STX3: variants seen among roughly 807,000 people sequenced by gnomAD.
The protein encoded by STX3 is syntaxin-3.
Under a neutral mutation model 40.2 loss-of-function variants are expected in STX3, and 19 were observed. The ratio of observed to expected loss-of-function variants is 0.47; its 90% CI spans 0.33 to 0.69. The LOEUF is 0.69. STX3 is among the 30% of genes least tolerant of loss of function. The pLI, the probability that STX3 is intolerant of heterozygous loss-of-function variation, is 0.02. For synonymous variants in STX3, 122 were observed against 132.2 expected (o/e 0.92, Z 0.53); for missense variants, 364 against 366.7 (o/e 0.99, Z 0.06).
At position 59,802,082 on chromosome 11, in the gene STX3, A is replaced by T. The variant is rs1009529996; in HGVS notation, c.*1258A>T. 1.0e-6 allele frequency: 1 copy of T among 985,436 alleles called. No individual in the cohort carries two copies. The highest frequency in any genetic ancestry group is 1.2e-6 in the Non-Finnish European group (1 of 829,942). The allele number at this position is 985,436 out of a possible 1,614,324, so 61.0% of individuals were successfully genotyped here. On this transcript the variant is annotated 3_prime_UTR_variant, in exon 11 of 11. Transcript: ENST00000337979. ...CCTATGCTAGGCTTGTCCTGAGAAC[A>T]TCCCTCAGTAACTTGATATTCACAT...
At chr11:59,784,987 A>G (rs1864657696) in intron 2 of STX3, among the ~76,000 whole-genome samples, 1 of 152,106 alleles carries the variant, frequency 6.6e-6, no homozygotes, top group Non-Finnish European at 1.5e-5. Flanking sequence ...GGAGGGCACT[A>G]TTTGCATGCT....
intron 7 of STX3, 76 bp downstream of exon 7, chr11:59,793,248 C>T: frequency 6.2e-7 from 1 of 1,606,704 alleles, no homozygotes. Context: ...TGCAGTCCAG[C>T]AGGTGGAGGG....
intron 1 of STX3, among the ~76,000 whole-genome samples, chr11:59,767,609 G>A (rs1863343730): frequency 6.6e-6 from 1 of 152,170 alleles, no homozygotes; most frequent in African/African-American, 2.4e-5. Flanking sequence ...TGTGACTCCA[G>A]ATAACATGCG....
At chr11:59,767,856 C>T (rs1356915839) in intron 1 of STX3, among the ~76,000 whole-genome samples, 3 of 152,114 alleles carry the variant, frequency 2.0e-5, no homozygotes, top group Non-Finnish European at 4.4e-5. Context: ...AGTTCAGGGA[C>T]CCAGAATTCA....
chr11:59,774,533 T>A (rs1863847181), intron 2 of STX3, among the ~76,000 whole-genome samples: 2 of 151,576 alleles, frequency 1.3e-5, no homozygotes, highest in Admixed American at 1.3e-4. Flanking sequence ...TTGAGTTGCA[T>A]AAGGATTAAG....
At chr11:59,772,465 A>G (rs1211932230) in intron 1 of STX3, among the ~76,000 whole-genome samples, 1 of 152,192 alleles carries the variant, frequency 6.6e-6, no homozygotes, top group Non-Finnish European at 1.5e-5. Context: ...TTTCTTATAA[A>G]CAGGAGCTTC....
chr11:59,755,647 C>G lies in STX3; in HGVS notation c.30+12C>G, dbSNP rs199563753. ...AGCAGCTGAAGGCCGTGAGTTTCGC[C>G]GCAGGCGGGGTGCTGCCAGGAGGGG... On this transcript the variant is annotated intron_variant, in intron 1 of 10. Coordinates refer to ENST00000337979, the MANE Select transcript of STX3 (RefSeq NM_004177.5). 5.7e-6 allele frequency: 9 copies of G among 1,592,028 alleles called. No individual in the cohort carries two copies. The highest frequency in any genetic ancestry group is 7.7e-6 in the Non-Finnish European group (9 of 1,175,190).
At position 59,802,678 on chromosome 11, in the gene STX3, AT is replaced by A; in HGVS notation, c.*1855del. The A allele has an allele frequency of 1.0e-6, 1 of 985,820 alleles. No individual in the cohort carries two copies. Among genetic ancestry groups the A allele is most frequent in the Non-Finnish European group, 1.2e-6 (1 of 829,850 alleles). The allele number at this position is 985,820 out of a possible 1,614,324, so 61.1% of individuals were successfully genotyped here. A position where few individuals can be genotyped will look rare whatever the true frequency, so the allele number is the denominator to read the frequency against. On this transcript the variant is annotated 3_prime_UTR_variant, in exon 11 of 11. Transcript: ENST00000337979. ...TGATTATTTTATTGCTAATTTAAAA[AT>A]AAAAATGACTTTGTATTGATTGTGA...
chr11:59,793,141 A>G lies in STX3; in HGVS notation c.509A>G (p.Glu170Gly), dbSNP rs1590820835. ...GATGAGGAGCTGGAGGAGATGTTGG[A>G]GAGTGGCAACCCGGCCATCTTCACT... is the stretch of plus-strand genomic sequence containing the variant. ...TTDEELEEML[E>G]SGNPAIFTSG... Residue 170 changes from glutamate to glycine, a missense_variant, in exon 7 of 11, where the codon GAG (glutamate) becomes GGG (glycine). By Grantham distance (98) the Glu-to-Gly change is moderately conservative (BLOSUM62 -2). Coordinates refer to ENST00000337979, the MANE Select transcript of STX3 (RefSeq NM_004177.5). 1 of 1,613,638 alleles carries G rather than the reference A, an allele frequency of 6.2e-7. No homozygotes were observed. The highest frequency in any genetic ancestry group is 8.5e-7 in the Non-Finnish European group (1 of 1,179,994).
Position 59,755,485 on chromosome 11 carries a change from C to G in STX3, c.-121C>G. On this transcript the variant is annotated 5_prime_UTR_variant, in exon 1 of 11. Transcript: ENST00000337979. ...CGGCCGCCGCCCGCCGCCGCCTGCG[C>G]CTCCAGCTCCTTCGCCCCGGCGGGC... The G allele has an allele frequency of 1.6e-6, 2 of 1,283,370 alleles. No individual in the cohort carries two copies. The highest frequency in any genetic ancestry group is 2.0e-6 in the Non-Finnish European group (2 of 985,646). The allele number at this position is 1,283,370 out of a possible 1,614,324, so 79.5% of individuals were successfully genotyped here. A position where few individuals can be genotyped will look rare whatever the true frequency, so the allele number is the denominator to read the frequency against.
chr11:59,792,877 G>A (rs1213630282), intron 6 of STX3, among the ~76,000 whole-genome samples: 1 of 152,148 alleles, frequency 6.6e-6, no homozygotes, highest in East Asian at 1.9e-4. Context: ...TTCTGAGCTG[G>A]GAAGCAATGT....
intron 10 of STX3, among the ~76,000 whole-genome samples, chr11:59,797,657 C>T (rs553538024): frequency 7.2e-5 from 11 of 152,330 alleles, no homozygotes; most frequent in African/African-American, 2.4e-4. Context: ...CCACTTCTCC[C>T]AGCATACCTG....
chr11:59,759,956 C>A (rs1862943857), intron 1 of STX3, among the ~76,000 whole-genome samples: 1 of 152,184 alleles, frequency 6.6e-6, no homozygotes, highest in African/African-American at 2.4e-5. Flanking sequence ...CTGCGCTTCA[C>A]TGAGATTCTG....
chr11:59,778,894 G>T (rs901934848), intron 2 of STX3, among the ~76,000 whole-genome samples: 1 of 145,930 alleles, frequency 6.9e-6, no homozygotes, highest in African/African-American at 2.6e-5. Context: ...GAATGCAACA[G>T]TGTGATCTCG....
rs962949068 is a variant in STX3, at chr11:59,799,943, TAA to T, written c.*31-911_*31-910del. The T allele has an allele frequency of 1.8e-5, 18 of 985,274 alleles. No homozygotes were observed. The African/African-American group carries it at 2.1e-4, about 11-fold the overall frequency. The allele number at this position is 985,274 out of a possible 1,614,324, so 61.0% of individuals were successfully genotyped here. A position where few individuals can be genotyped will look rare whatever the true frequency, so the allele number is the denominator to read the frequency against. On this transcript the variant is annotated intron_variant, in intron 10 of 10. Transcript: ENST00000337979. Reference sequence around the variant, plus strand: ...TAGATGTTGAAATTTTAAAAAGATATAAGAGTTGTTATTTTTCCATATCCTTG... The same window carrying T: ...TAGATGTTGAAATTTTAAAAAGATATGAGTTGTTATTTTTCCATATCCTTG...
At chr11:59,784,265 T>A (rs369847540) in intron 2 of STX3, among the ~76,000 whole-genome samples, 31 of 152,366 alleles carry the variant, frequency 2.0e-4, no homozygotes, top group African/African-American at 7.2e-4. Flanking sequence ...TCTAAGTCCT[T>A]CATGACTTGT....
At chr11:59,788,830 T>A (rs1248890170) in intron 3 of STX3, 43 bp from the exon 4 acceptor site, 1 of 1,542,126 alleles carries the variant, frequency 6.5e-7, no homozygotes, top group Non-Finnish European at 8.9e-7. Context: ...AAGGAATCAG[T>A]CCTCTCCTTT....
chr11:59,768,052 A>G (rs1158601505), intron 1 of STX3, among the ~76,000 whole-genome samples: 1 of 152,220 alleles, frequency 6.6e-6, no homozygotes, highest in African/African-American at 2.4e-5. Flanking sequence ...TACATTGCAT[A>G]GGGAACTTTA....
chr11:59,756,235 C>T (rs1862710093), intron 1 of STX3, among the ~76,000 whole-genome samples: 1 of 152,198 alleles, frequency 6.6e-6, no homozygotes, highest in South Asian at 2.1e-4. Flanking sequence ...AGACTACCTC[C>T]AGCCTTGGCT....
Sources: gnomAD v4.1 joint callset for allele counts (sites outside exome capture counted in the v4.1 genomes callset) on GRCh38, gnomAD v4.1.1 for gene constraint, MANE v1.5 for transcripts, NCBI Gene and HGNC (gene_info 2026-07-23, HGNC 2026-07-21) for gene names.